The following OSBPL9 variants were observed in gnomAD, a reference collection of about 807,000 sequenced individuals.
OSBPL9 encodes the protein oxysterol binding protein like 9.
Under a neutral mutation model 106.6 loss-of-function variants are expected in OSBPL9, and 40 were observed. The observed-to-expected ratio is 0.38, with a 90% CI of 0.29 to 0.49. The LOEUF (loss-of-function observed/expected upper bound fraction) is 0.49. Ranked by LOEUF, OSBPL9 falls within the 20% of genes least tolerant of loss-of-function variation. The probability of loss-of-function intolerance (pLI) is 0.97; values close to 1 mark genes in which losing one functional copy is unlikely to be tolerated. For synonymous variants in OSBPL9, 269 were observed against 295.4 expected, an observed-to-expected ratio of 0.91 and a Z score of 0.92; for missense variants, 609 against 887.2, an observed-to-expected ratio of 0.69 and a Z score of 3.98.
chr1:51,758,928 C>CA (rs1426972370), intron 9 of OSBPL9, among the ~76,000 whole-genome samples: 1 of 151,988 alleles, frequency 6.6e-6, no homozygotes. Flanking sequence ...AAAATAGAAT[C>CA]AAAGTAATAA....
intron 3 of OSBPL9, among the ~76,000 whole-genome samples, chr1:51,687,193 C>T (rs2148817185): frequency 6.6e-6 from 1 of 152,276 alleles, no homozygotes; most frequent in Admixed American, 6.5e-5. Context: ...ATCCCACACA[C>T]TGAGGATGGC....
At chr1:51,558,063 G>A in the OSBPL9 span, among the ~76,000 whole-genome samples, 15 of 152,104 alleles carry the variant, frequency 9.9e-5, no homozygotes, top group African/African-American at 3.1e-4. Flanking sequence ...GGCAGATCAC[G>A]AGGTCAGGAG....
chr1:51,746,793 T>G, intron 6 of OSBPL9, 36 bp downstream of exon 6: 1 of 1,539,000 alleles, frequency 6.5e-7, no homozygotes, highest in Non-Finnish European at 8.9e-7. Context: ...CGTTAAAAAT[T>G]TTAAATTCAG....
chr1:51,785,684 T>C (rs1387232967), intron 20 of OSBPL9, 124 bp from the exon 21 acceptor site: 10 of 742,586 alleles, frequency 1.3e-5, no homozygotes, highest in Non-Finnish European at 1.8e-5. Context: ...TCTGTTAAGA[T>C]GCTTTCATCA....
chr1:51,652,121 T>G, intron 2 of OSBPL9, 80 bp downstream of exon 2: 1 of 1,075,880 alleles, frequency 9.3e-7, no homozygotes, highest in East Asian at 2.5e-5. Context: ...AAGTCTAAAT[T>G]TAGTTTAGCT....
At chr1:51,623,103 T>C (rs141293018) in intron 1 of OSBPL9, among the ~76,000 whole-genome samples, 2 of 152,284 alleles carry the variant, frequency 1.3e-5, no homozygotes, top group African/African-American at 4.8e-5. Context: ...AGCATATCCA[T>C]TGGATTGATG....
chr1:51,648,091 A>G (rs1258635950), intron 1 of OSBPL9, among the ~76,000 whole-genome samples: 2 of 152,188 alleles, frequency 1.3e-5, no homozygotes, highest in African/African-American at 4.8e-5. Context: ...TGTAGACCAC[A>G]TATCTATTTG....
intron 3 of OSBPL9, among the ~76,000 whole-genome samples, chr1:51,671,865 A>G (rs1276871593): frequency 2.6e-5 from 4 of 152,118 alleles, no homozygotes; most frequent in Non-Finnish European, 5.9e-5. Flanking sequence ...GGGTGAATAC[A>G]TCATTTCTTT....
intron 1 of OSBPL9, among the ~76,000 whole-genome samples, chr1:51,589,408 T>C (rs1027927363): frequency 3.9e-5 from 6 of 152,152 alleles, no homozygotes; most frequent in Non-Finnish European, 8.8e-5. Context: ...CAAAATTCAA[T>C]GAATAATGCA....
At chr1:51,706,538 A>G (rs915389145) in intron 3 of OSBPL9, among the ~76,000 whole-genome samples, 1 of 152,004 alleles carries the variant, frequency 6.6e-6, no homozygotes, top group African/African-American at 2.4e-5. Flanking sequence ...TAGGTAACCA[A>G]CTTAGGCTTT....
intron 4 of OSBPL9, among the ~76,000 whole-genome samples, chr1:51,716,852 G>A (rs1426319818): frequency 6.6e-6 from 1 of 152,058 alleles, no homozygotes; most frequent in South Asian, 2.1e-4. Flanking sequence ...TGCCATGTTA[G>A]GTTCTCTTCT....
At chr1:51,626,843 G>A (rs1644797123) in intron 1 of OSBPL9, among the ~76,000 whole-genome samples, 1 of 152,150 alleles carries the variant, frequency 6.6e-6, no homozygotes, top group Non-Finnish European at 1.5e-5. Flanking sequence ...ATGATGTCCA[G>A]TTTATTTGTT....
At chr1:51,690,103 AT>A (rs1406391492) in intron 3 of OSBPL9, among the ~76,000 whole-genome samples, 1 of 152,212 alleles carries the variant, frequency 6.6e-6, no homozygotes, top group African/African-American at 2.4e-5. Flanking sequence ...ATTTTTCTAG[AT>A]TTCAAAATTA....
chr1:51,521,738 A>G, the OSBPL9 span, among the ~76,000 whole-genome samples: 10 of 152,014 alleles, frequency 6.6e-5, no homozygotes, highest in Non-Finnish European at 1.3e-4. Context: ...ATTGCTTTTC[A>G]CCGTTTATAA....
At chr1:51,732,875 T>A (rs1040194017) in intron 4 of OSBPL9, among the ~76,000 whole-genome samples, 1 of 152,250 alleles carries the variant, frequency 6.6e-6, no homozygotes, top group African/African-American at 2.4e-5. Context: ...GATTTATCTC[T>A]GAGTCCAGAC....
At chr1:51,589,608 A>G (rs886851172) in intron 1 of OSBPL9, among the ~76,000 whole-genome samples, 6 of 152,134 alleles carry the variant, frequency 3.9e-5, no homozygotes, top group Admixed American at 2.0e-4. Context: ...AGCAAACCAT[A>G]TGAATATCTA....
At chr1:51,573,753 G>A (rs1388483457), upstream of OSBPL9, among the ~76,000 whole-genome samples, 3 of 150,640 alleles carry the variant, frequency 2.0e-5, no homozygotes, top group African/African-American at 2.4e-5. Flanking sequence ...GGCGGAGGTT[G>A]CAGTGAGCCG....
the OSBPL9 span, among the ~76,000 whole-genome samples, chr1:51,518,950 G>A: frequency 6.6e-6 from 1 of 151,300 alleles, no homozygotes; most frequent in Admixed American, 6.6e-5. Context: ...AGGGCGGCGA[G>A]GGCCGCGCGG....
At chr1:51,703,458 T>C (rs1657757079) in intron 3 of OSBPL9, among the ~76,000 whole-genome samples, 1 of 152,236 alleles carries the variant, frequency 6.6e-6, no homozygotes, top group Non-Finnish European at 1.5e-5. Context: ...GTTATTGGTG[T>C]ATAAGAATGC....
Sources: gnomAD v4.1 joint callset for allele counts (sites outside exome capture counted in the v4.1 genomes callset) on GRCh38, gnomAD v4.1.1 for gene constraint, MANE v1.5 for transcripts, NCBI Gene and HGNC (gene_info 2026-07-23, HGNC 2026-07-21) for gene names.